Variants in RASGRF2 observed in about 807,000 individuals in gnomAD.
RASGRF2 encodes the protein ras-specific guanine nucleotide-releasing factor 2.
In RASGRF2, 76 loss-of-function variants were observed where a neutral mutation model predicts 151.0. The observed-to-expected ratio is 0.50, with a 90% CI of 0.42 to 0.61. RASGRF2 has a LOEUF of 0.61. Ranked by LOEUF, RASGRF2 falls within the 20% of genes least tolerant of loss-of-function variation. The pLI, the probability that RASGRF2 is intolerant of heterozygous loss-of-function variation, is 0.00. For synonymous variants in RASGRF2, 504 were observed against 566.5 expected, an observed-to-expected ratio of 0.89 and a Z score of 1.57; for missense variants, 1,148 against 1,564.6, an observed-to-expected ratio of 0.73 and a Z score of 4.49.
intron 12 of RASGRF2, among the ~76,000 whole-genome samples, chr5:81,101,983 G>A (rs1254275881): frequency 2.0e-5 from 3 of 152,104 alleles, no homozygotes; most frequent in African/African-American, 7.2e-5. Flanking sequence ...GTAGTATGGA[G>A]GACTGAGCTG....
intron 1 of RASGRF2, among the ~76,000 whole-genome samples, chr5:80,970,731 C>G (rs138160986): frequency 6.6e-6 from 1 of 152,162 alleles, no homozygotes; most frequent in African/African-American, 2.4e-5. Flanking sequence ...CTGACCAGCC[C>G]GTGGCTTAAC....
rs887877201 is a variant in RASGRF2, at chr5:81,229,881, A to C, written c.*4111A>C. 6.6e-6 allele frequency: 1 copy of C among 152,196 alleles called. No individual in the cohort carries two copies. The highest frequency in any genetic ancestry group is 1.5e-5 in the Non-Finnish European group (1 of 68,038). The allele number at this position is 152,196 out of a possible 1,614,324, so 9.4% of individuals were successfully genotyped here. A position where few individuals can be genotyped will look rare whatever the true frequency, so the allele number is the denominator to read the frequency against. On this transcript the variant is annotated 3_prime_UTR_variant, in exon 27 of 27. Coordinates refer to ENST00000265080, the MANE Select transcript of RASGRF2 (RefSeq NM_006909.3). ...CTATTGTGAGGACCAAATGGATTAGACTGTAAACTGCAAAGTGCTGTCCGC... is the reference window on the plus strand; with the variant it reads ...CTATTGTGAGGACCAAATGGATTAGCCTGTAAACTGCAAAGTGCTGTCCGC...
rs775617747 is a variant in RASGRF2, at chr5:81,086,905, G to C, written c.1342G>C (p.Glu448Gln). The change falls in exon 9 of 27, where the codon GAG becomes CAG. Residue 448 changes from glutamate to glutamine, a missense_variant. This residue lies in a region of RASGRF2 where 176 missense variants were observed against 309.6 expected (regional missense o/e 0.57). Transcript: ENST00000265080. ...KNLAIERMIV[E>Q]GCDILLDTSQ... Reference sequence around the variant, plus strand: ...CCTTGCCATCGAAAGAATGATCGTGGAGGGCTGTGACATCTTGCTGGACAC... The same window carrying C: ...CCTTGCCATCGAAAGAATGATCGTGCAGGGCTGTGACATCTTGCTGGACAC... 6.2e-7 allele frequency: 1 copy of C among 1,614,212 alleles called. No individual in the cohort carries two copies. Among genetic ancestry groups the C allele is most frequent in the Non-Finnish European group, 8.5e-7 (1 of 1,180,030 alleles).
At chr5:81,134,153 T>A (rs1345403259) in intron 17 of RASGRF2, among the ~76,000 whole-genome samples, 1 of 149,930 alleles carries the variant, frequency 6.7e-6, no homozygotes, top group African/African-American at 2.5e-5. Flanking sequence ...GGGTAAAAAT[T>A]TGGATTTTCC....
At chr5:81,068,292 A>G (rs1178698251) in intron 3 of RASGRF2, 113 bp downstream of exon 3, 9 of 1,237,334 alleles carry the variant, frequency 7.3e-6, no homozygotes, top group Non-Finnish European at 1.0e-5. Context: ...ACTTCCTCTG[A>G]CATCAACACA....
intron 26 of RASGRF2, among the ~76,000 whole-genome samples, chr5:81,224,622 TG>T (rs1248479960): frequency 8.5e-5 from 13 of 152,356 alleles, no homozygotes; most frequent in African/African-American, 2.9e-4. Flanking sequence ...AGCCCCTATT[TG>T]GGAAGAGCTC....
chr5:80,990,202 A>G (rs961411862), intron 1 of RASGRF2, among the ~76,000 whole-genome samples: 3 of 150,502 alleles, frequency 2.0e-5, no homozygotes, highest in Admixed American at 1.3e-4. Flanking sequence ...ACCTCTTACT[A>G]ATTTGACTGC....
chr5:81,176,618 T>C (rs578250323), intron 17 of RASGRF2, among the ~76,000 whole-genome samples: 7 of 152,034 alleles, frequency 4.6e-5, no homozygotes, highest in African/African-American at 1.7e-4. Context: ...TAATTTTGGA[T>C]TGTGAGCTCT....
chr5:81,171,781 C>T (rs1487645309), intron 17 of RASGRF2, among the ~76,000 whole-genome samples: 1 of 152,204 alleles, frequency 6.6e-6, no homozygotes, highest in Admixed American at 6.5e-5. Context: ...CCATCCCTTT[C>T]CTTCTTGCCC....
At chr5:81,046,811 C>G (rs756418845) in intron 2 of RASGRF2, among the ~76,000 whole-genome samples, 1 of 152,140 alleles carries the variant, frequency 6.6e-6, no homozygotes, top group African/African-American at 2.4e-5. Flanking sequence ...AAAGACAACT[C>G]TTCAATGTTT....
At chr5:81,176,376 T>C (rs1208543405) in intron 17 of RASGRF2, among the ~76,000 whole-genome samples, 1 of 152,234 alleles carries the variant, frequency 6.6e-6, no homozygotes, top group Admixed American at 6.5e-5. Flanking sequence ...TTTGGGGGGC[T>C]TTAGACATCT....
intron 17 of RASGRF2, among the ~76,000 whole-genome samples, chr5:81,137,037 T>C (rs1313394951): frequency 6.6e-6 from 1 of 152,146 alleles, no homozygotes; most frequent in Non-Finnish European, 1.5e-5. Context: ...TTAGAACCCT[T>C]AACATATTAT....
chr5:81,165,830 G>A (rs1353537382), intron 17 of RASGRF2, among the ~76,000 whole-genome samples: 2 of 81,282 alleles, frequency 2.5e-5, no homozygotes, highest in African/African-American at 9.8e-5. Flanking sequence ...CTAGCCTGGA[G>A]CTAACTCGTC....
chr5:80,960,894 C>A lies in RASGRF2; in HGVS notation c.156C>A (p.Phe52Leu). Residue 52 changes from phenylalanine (F) to leucine (L), a missense_variant, in exon 1 of 27, where the codon TTC becomes TTA. This residue lies in a region of RASGRF2 where 221 missense variants were observed against 271.3 expected (regional missense o/e 0.81). Transcript: ENST00000265080. The surrounding 1 kb of genome is among the most constrained non-coding windows in gnomAD (Gnocchi z 5.5). Reference sequence around the variant, plus strand: ...TCGCCCTCTACCAGAATGTGCTCTTCTACTTCGAGGGCGAGCAGAGCTGCC... The same window carrying A: ...TCGCCCTCTACCAGAATGTGCTCTTATACTTCGAGGGCGAGCAGAGCTGCC... Reference protein sequence around the residue: ...KWFALYQNVLFYFEGEQSCRP... With the variant: ...KWFALYQNVLLYFEGEQSCRP... 1 of 1,610,112 alleles carries A rather than the reference C, an allele frequency of 6.2e-7. No homozygotes were observed. Among genetic ancestry groups the A allele is most frequent in the Non-Finnish European group, 8.5e-7 (1 of 1,177,134 alleles).
chr5:80,962,932 T>A (rs1747610619), intron 1 of RASGRF2, among the ~76,000 whole-genome samples: 1 of 152,158 alleles, frequency 6.6e-6, no homozygotes, highest in Non-Finnish European at 1.5e-5. Context: ...GAATCTTTGG[T>A]GTTTGTAGAT....
intron 1 of RASGRF2, among the ~76,000 whole-genome samples, chr5:80,962,022 G>C (rs1747577139): frequency 6.6e-6 from 1 of 152,214 alleles, no homozygotes; most frequent in Non-Finnish European, 1.5e-5. Flanking sequence ...TGTGAGTTCA[G>C]ATCAGACAGC....
rs569480566 is a variant in RASGRF2, at chr5:81,033,064, A to T, written c.289-9813A>T. 2.6e-5 allele frequency among the ~76,000 whole-genome samples: 4 copies of T among 151,656 alleles called. No individual in the cohort carries two copies. In the South Asian group the frequency reaches 8.3e-4, roughly 32 times the overall value. ...CATTCACAATTGCTTCAAAGAGAAT[A>T]AAATACCTAGGAATCCAACTTACAA... On this transcript the variant is annotated intron_variant, in intron 1 of 26. Coordinates refer to ENST00000265080, the MANE Select transcript of RASGRF2 (RefSeq NM_006909.3).
intron 1 of RASGRF2, among the ~76,000 whole-genome samples, chr5:80,967,212 A>G (rs1463553404): frequency 6.6e-6 from 1 of 152,194 alleles, no homozygotes; most frequent in Non-Finnish European, 1.5e-5. Context: ...AACATGGCGA[A>G]ACCCTGTCTG....
intron 3 of RASGRF2, among the ~76,000 whole-genome samples, chr5:81,069,338 T>C (rs1751705666): frequency 6.6e-6 from 1 of 152,258 alleles, no homozygotes; most frequent in African/African-American, 2.4e-5. Context: ...TGATATGTGA[T>C]ATAGTGAAAA....
Sources: gnomAD v4.1 joint callset for allele counts (sites outside exome capture counted in the v4.1 genomes callset) on GRCh38, gnomAD v4.1.1 for gene constraint, gnomAD v4.1.1 regional missense constraint, Gnocchi (gnomAD v3.1) non-coding constraint, MANE v1.5 for transcripts, NCBI Gene and HGNC (gene_info 2026-07-23, HGNC 2026-07-21) for gene names.